The following PLAGL1 variants were observed in gnomAD, a reference collection of about 807,000 sequenced individuals.
PLAGL1 encodes zinc finger protein PLAGL1.
Under a neutral mutation model 4.6 loss-of-function variants are expected in PLAGL1, and 1 was observed. That is an observed-to-expected ratio of 0.22 (90% CI 0.08 to 1.03). The LOEUF is 1.03. Ranked by LOEUF, PLAGL1 falls within the 50% of genes least tolerant of loss-of-function variation. PLAGL1 has a pLI of 0.58. For synonymous variants in PLAGL1, 240 were observed against 237.8 expected, an observed-to-expected ratio of 1.01 and a Z score of -0.08; for missense variants, 464 against 570.4, an observed-to-expected ratio of 0.81 and a Z score of 1.90.
rs1418989908 is a variant in PLAGL1 at position 143,945,623 on chromosome 6, G to A, written c.152+2362C>T. Among the ~76,000 whole-genome samples the A allele has an allele frequency of 6.6e-6, 1 of 152,060 alleles. No individual in the cohort carries two copies. Among genetic ancestry groups the A allele is most frequent in the Non-Finnish European group, 1.5e-5 (1 of 68,010 alleles). ...CCCGAGTAGCTGGGATTACAGGCGT[G>A]TACCACCACGCCCAGCTAATTTTTT... On this transcript the variant is annotated intron_variant, in intron 7 of 7. Transcript: ENST00000674357. This position sits in a 1 kb window ranked among gnomAD's most constrained non-coding sequence, Gnocchi z 4.2.
chr6:144,007,590 T>C (rs976061286), intron 1 of PLAGL1: 1 of 152,188 alleles, frequency 6.6e-6, no homozygotes, highest in Non-Finnish European at 1.5e-5. Flanking sequence ...GCTGTCCCGA[T>C]CTAGGAAATT....
chr6:144,041,429 G>T (rs570632966), intron 1 of PLAGL1, among the ~76,000 whole-genome samples: 1 of 151,888 alleles, frequency 6.6e-6, no homozygotes, highest in South Asian at 2.1e-4. Context: ...GAGAACATGC[G>T]GTGTTTGGTT....
At chr6:144,033,742 T>C (rs1797004839) in intron 1 of PLAGL1, among the ~76,000 whole-genome samples, 1 of 152,138 alleles carries the variant, frequency 6.6e-6, no homozygotes, top group Admixed American at 6.5e-5. Flanking sequence ...AGTCCAACAC[T>C]ATTTAAAGGA....
In PLAGL1 at chr6:143,950,927, G is replaced by A. The variant is rs561737666; in HGVS notation, c.-324-2467C>T. On this transcript the variant is annotated intron_variant, in intron 6 of 7. Transcript: ENST00000674357. The surrounding 1 kb of genome is among the most constrained non-coding windows in gnomAD (Gnocchi z 6.3). ...TTGCCACATAGTGCCAGTGGCTGCTGTCCTGGACGGCACAGGCAGACTCTT... is the reference window on the plus strand; with the variant it reads ...TTGCCACATAGTGCCAGTGGCTGCTATCCTGGACGGCACAGGCAGACTCTT... Among the ~76,000 whole-genome samples the A allele has an allele frequency of 4.1e-4, 62 of 152,306 alleles. 2 individuals are homozygous for A. In the South Asian group the frequency reaches 0.012, roughly 30 times the overall value.
chr6:143,998,673 G>T (rs1410605014), intron 1 of PLAGL1, among the ~76,000 whole-genome samples: 1 of 152,074 alleles, frequency 6.6e-6, no homozygotes, highest in Non-Finnish European at 1.5e-5. Context: ...ATTTAACAAG[G>T]GCTATAGATT....
intron 1 of PLAGL1, among the ~76,000 whole-genome samples, chr6:144,054,909 G>A (rs1288937752): frequency 3.3e-5 from 5 of 150,568 alleles, no homozygotes; most frequent in South Asian, 2.1e-4. Context: ...ATTTGTAAAG[G>A]AAATGCAACA....
At chr6:144,060,147 A>C (rs980722128) in intron 1 of PLAGL1, among the ~76,000 whole-genome samples, 1 of 151,918 alleles carries the variant, frequency 6.6e-6, no homozygotes, top group Non-Finnish European at 1.5e-5. Flanking sequence ...TCCCAGACTC[A>C]AGCAATACTC....
At chr6:143,967,003 G>A (rs191544147) in intron 3 of PLAGL1, 5 of 152,300 alleles carry the variant, frequency 3.3e-5, no homozygotes, top group Non-Finnish European at 7.3e-5. Context: ...TGTTCCTACA[G>A]TTAGTTAAAA....
chr6:143,999,124 A>C (rs868378795), intron 1 of PLAGL1, among the ~76,000 whole-genome samples: 5 of 152,204 alleles, frequency 3.3e-5, no homozygotes, highest in Admixed American at 3.3e-4. Context: ...GGAGTGAAAG[A>C]AGCAGGAAGG....
intron 1 of PLAGL1, among the ~76,000 whole-genome samples, chr6:144,033,241 G>A (rs1240443575): frequency 6.6e-6 from 1 of 152,192 alleles, no homozygotes; most frequent in African/African-American, 2.4e-5. Context: ...GGTGAGAGAC[G>A]ATGTCAGAGC....
At position 143,982,063 on chromosome 6, in the gene PLAGL1, G is replaced by A. The variant is rs1393016532; in HGVS notation, c.-544+3072C>T. Among the ~76,000 whole-genome samples, 1 of 152,014 alleles carries A rather than the reference G, an allele frequency of 6.6e-6. No homozygotes were observed. The highest frequency in any genetic ancestry group is 2.4e-5 in the African/African-American group (1 of 41,370). ...GCAAAAATTCCTACCCTTGTGAAGCGCACCAATGAATTAAGCTTATCTTTG... is the reference window on the plus strand; with the variant it reads ...GCAAAAATTCCTACCCTTGTGAAGCACACCAATGAATTAAGCTTATCTTTG... On this transcript the variant is annotated intron_variant, in intron 2 of 7. Coordinates refer to ENST00000674357, the MANE Select transcript of PLAGL1 (RefSeq NM_001317162.2). This position sits in a 1 kb window ranked among gnomAD's most constrained non-coding sequence, Gnocchi z 5.3.
chr6:143,940,464 T>A lies in PLAGL1; in HGVS notation c.*960A>T, dbSNP rs1778343417. 6.6e-6 allele frequency: 1 copy of A among 152,242 alleles called. No homozygotes were observed. The highest frequency in any genetic ancestry group is 6.5e-5 in the Admixed American group (1 of 15,278). The allele number at this position is 152,242 out of a possible 1,614,324, so 9.4% of individuals were successfully genotyped here. ...TATAGTTACATTGTAAAACGTAATCTTCTTTTAATAAAAGCTAATAATGAC... is the reference window on the plus strand; with the variant it reads ...TATAGTTACATTGTAAAACGTAATCATCTTTTAATAAAAGCTAATAATGAC... On this transcript the variant is annotated 3_prime_UTR_variant, in exon 8 of 8. Transcript: ENST00000674357.
chr6:144,022,440 C>T lies in PLAGL1; in HGVS notation c.-151+42028G>A, dbSNP rs984080197. 6.6e-6 allele frequency among the ~76,000 whole-genome samples: 1 copy of T among 152,182 alleles called. No individual in the cohort carries two copies. The highest frequency in any genetic ancestry group is 1.5e-5 in the Non-Finnish European group (1 of 68,038). ...CAATCCATCATTGGTGATGGGAATGCAAAATGGTACAGCCACTTTGGAAGA... is the reference window on the plus strand; with the variant it reads ...CAATCCATCATTGGTGATGGGAATGTAAAATGGTACAGCCACTTTGGAAGA... On this transcript the variant is annotated intron_variant, in intron 1 of 3. Coordinates refer to the PLAGL1 transcript ENST00000437412. This position sits in a 1 kb window ranked among gnomAD's most constrained non-coding sequence, Gnocchi z 4.2.
chr6:144,015,477 G>C lies in PLAGL1; in HGVS notation c.-150-46499C>G, dbSNP rs1006739260. ...CCTGATCTTTAAAAGAGACCATTAA[G>C]GAAAAAAATCTAAGCCACATGGGAA... On this transcript the variant is annotated intron_variant, in intron 1 of 3. Transcript: ENST00000437412. This position sits in a 1 kb window ranked among gnomAD's most constrained non-coding sequence, Gnocchi z 4.3. 2.6e-5 allele frequency among the ~76,000 whole-genome samples: 4 copies of C among 152,000 alleles called. No individual in the cohort carries two copies. The highest frequency in any genetic ancestry group is 7.3e-5 in the African/African-American group (3 of 41,370).
At chr6:143,988,019 G>T (rs1049634021) in intron 1 of PLAGL1, among the ~76,000 whole-genome samples, 1 of 152,044 alleles carries the variant, frequency 6.6e-6, no homozygotes, top group Non-Finnish European at 1.5e-5. Context: ...TTTCTATCTT[G>T]TCTGCCAAGC....
chr6:144,054,238 G>A (rs956173508), intron 1 of PLAGL1, among the ~76,000 whole-genome samples: 1 of 152,172 alleles, frequency 6.6e-6, no homozygotes, highest in Admixed American at 6.5e-5. Flanking sequence ...CCAAGATTAA[G>A]TTTAGTATAC....
chr6:144,001,966 T>C (rs190157690), intron 1 of PLAGL1, among the ~76,000 whole-genome samples: 1 of 151,966 alleles, frequency 6.6e-6, no homozygotes, highest in Non-Finnish European at 1.5e-5. Flanking sequence ...CTAAACACCA[T>C]GTGGTATATG....
intron 1 of PLAGL1, among the ~76,000 whole-genome samples, chr6:144,045,090 A>G (rs1436198222): frequency 7.2e-6 from 1 of 139,200 alleles, no homozygotes; most frequent in African/African-American, 2.7e-5. Flanking sequence ...TGCATGTGAG[A>G]TGGGTCTCCT....
At position 143,960,954 on chromosome 6, in the gene PLAGL1, G is replaced by T. The variant is rs1783268257; in HGVS notation, c.-398-412C>A. On this transcript the variant is annotated intron_variant, in intron 5 of 7. Coordinates refer to ENST00000674357, the MANE Select transcript of PLAGL1 (RefSeq NM_001317162.2). This position sits in a 1 kb window ranked among gnomAD's most constrained non-coding sequence, Gnocchi z 5.7. ...AAGAAAGTCAGCAAATAACCAGTTGGCACTCAACAAAGGAGATTCATATAA... is the reference window on the plus strand; with the variant it reads ...AAGAAAGTCAGCAAATAACCAGTTGTCACTCAACAAAGGAGATTCATATAA... 6 of 152,158 alleles carry T rather than the reference G, an allele frequency of 3.9e-5. No homozygotes were observed. The highest frequency in any genetic ancestry group is 3.9e-4 in the Admixed American group (6 of 15,284). 9.4% of individuals were successfully genotyped at this position (152,158 alleles called of 1,614,324 possible).
Sources: allele counts gnomAD v4.1 joint callset (sites outside exome capture counted in the v4.1 genomes callset), GRCh38; gene constraint gnomAD v4.1.1; non-coding constraint Gnocchi (gnomAD v3.1); transcripts MANE v1.5; gene names NCBI Gene and HGNC (gene_info 2026-07-23, HGNC 2026-07-21).